OPN3: variants seen among roughly 807,000 people sequenced by gnomAD.
OPN3 encodes the protein opsin 3, also known as opsin-3.
In OPN3, 29 loss-of-function variants were observed where a neutral mutation model predicts 33.8. That is an observed-to-expected ratio of 0.86 (90% CI 0.64 to 1.17). The LOEUF (loss-of-function observed/expected upper bound fraction) is 1.17. OPN3 is among the 50% of genes most tolerant of loss of function. OPN3 has a pLI of 0.00. For synonymous variants in OPN3, 216 were observed against 216.1 expected, an observed-to-expected ratio of 1.00 and a Z score of 0.00; for missense variants, 437 against 514.1, an observed-to-expected ratio of 0.85 and a Z score of 1.45.
At chr1:241,602,137 C>A (rs551101974) in intron 2 of OPN3, among the ~76,000 whole-genome samples, 1 of 152,170 alleles carries the variant, frequency 6.6e-6, no homozygotes, top group South Asian at 2.1e-4. Flanking sequence ...GGGACAAGAG[C>A]TAAACATAGG....
chr1:241,600,324 C>T (rs1663647532), intron 2 of OPN3: 1 of 151,646 alleles, frequency 6.6e-6, no homozygotes, highest in African/African-American at 2.4e-5. Context: ...ACTTTCTATT[C>T]CTTCATTCTG....
At chr1:241,596,629 C>G (rs1435177819) in intron 3 of OPN3, among the ~76,000 whole-genome samples, 1 of 152,212 alleles carries the variant, frequency 6.6e-6, no homozygotes, top group Non-Finnish European at 1.5e-5. Context: ...TTAGAAGTCA[C>G]AGTGATTATT....
chr1:241,616,989 A>T (rs1434245214), intron 1 of OPN3, among the ~76,000 whole-genome samples: 2 of 152,246 alleles, frequency 1.3e-5, no homozygotes, highest in Non-Finnish European at 2.9e-5. Flanking sequence ...TGTTGGATTT[A>T]TCATCTCTTA....
At chr1:241,635,440 C>T in intron 1 of OPN3, 1 of 1,613,978 alleles carries the variant, frequency 6.2e-7, no homozygotes, top group Non-Finnish European at 8.5e-7. Flanking sequence ...CGTTGTCCTC[C>T]ATATCCTGAC....
rs1663429767 is a variant in OPN3 at position 241,594,350 on chromosome 1, T to C, written c.*78A>G. 6.8e-7 allele frequency: 1 copy of C among 1,472,930 alleles called. No individual in the cohort carries two copies. Among genetic ancestry groups the C allele is most frequent in the Non-Finnish European group, 9.3e-7 (1 of 1,077,668 alleles). The allele number at this position is 1,472,930 out of a possible 1,614,324, so 91.2% of individuals were successfully genotyped here. On this transcript the variant is annotated 3_prime_UTR_variant, in exon 4 of 4. Transcript: ENST00000366554. The stretch of plus-strand genomic sequence containing the variant: ...CTGTTGATATTACATAGAACGGGTA[T>C]TCCAGACACTTCTTATGATGAAAGT...
intron 1 of OPN3, chr1:241,633,759 A>G (rs1286607545): frequency 6.2e-7 from 1 of 1,605,498 alleles, no homozygotes; most frequent in Non-Finnish European, 8.5e-7. Context: ...TGATGCCATG[A>G]AGGAGGTCCA....
chr1:241,634,690 T>A, intron 1 of OPN3: 1 of 1,614,004 alleles, frequency 6.2e-7, no homozygotes. Context: ...AGTTTTTAGT[T>A]GCGTTAAGAC....
chr1:241,603,946 TC>T (rs1483230819), intron 2 of OPN3, among the ~76,000 whole-genome samples: 1 of 152,238 alleles, frequency 6.6e-6, no homozygotes, highest in African/African-American at 2.4e-5. Flanking sequence ...AGTGTGGAGT[TC>T]CCTCTTTTAA....
chr1:241,628,756 AGAT>A (rs1362221758), intron 1 of OPN3: 1 of 152,214 alleles, frequency 6.6e-6, no homozygotes, highest in Non-Finnish European at 1.5e-5. Flanking sequence ...ACATATCTGA[AGAT>A]GATCTTTTTT....
At chr1:241,605,315 T>C (rs616593) in intron 1 of OPN3, among the ~76,000 whole-genome samples, 48,840 of 151,846 alleles carry the variant, frequency 0.32, 8,196 homozygotes, top group African/African-American at 0.41. Context: ...TCAAGCTGAA[T>C]GAAGTAGCAG....
intron 3 of OPN3, among the ~76,000 whole-genome samples, chr1:241,595,973 G>A (rs1170508604): frequency 6.6e-6 from 1 of 152,128 alleles, no homozygotes; most frequent in Admixed American, 6.5e-5. Context: ...GTTTTTGTTT[G>A]TATCTTTTAG....
At chr1:241,631,523 A>G (rs929310228) in intron 1 of OPN3, 5 of 152,134 alleles carry the variant, frequency 3.3e-5, no homozygotes, top group Admixed American at 2.0e-4. Flanking sequence ...TTAAAAGTCA[A>G]TACAATCCAT....
intron 1 of OPN3, chr1:241,631,063 T>C (rs1413518954): frequency 6.6e-6 from 1 of 152,116 alleles, no homozygotes; most frequent in Non-Finnish European, 1.5e-5. Flanking sequence ...ATAGACATTA[T>C]TTAAACATTT....
Position 241,634,996 on chromosome 1 carries a change from T to G in OPN3, c.373+4886A>C, listed in dbSNP as rs370690494. ...GAATCCTAGTGACATTTTTAAATTC[T>G]ACATAACGACTAACATCTGATTTGA... On this transcript the variant is annotated intron_variant, in intron 1 of 3. Coordinates refer to ENST00000366554, the MANE Select transcript of OPN3 (RefSeq NM_014322.3). 2.4e-5 allele frequency: 38 copies of G among 1,613,578 alleles called. 1 individual carries two copies. The highest frequency in any genetic ancestry group is 1.7e-4 in the African/African-American group (13 of 74,922).
chr1:241,602,930 T>C (rs546450951), intron 2 of OPN3, among the ~76,000 whole-genome samples: 1 of 152,316 alleles, frequency 6.6e-6, no homozygotes, highest in South Asian at 2.1e-4. Flanking sequence ...TGAGTGACAT[T>C]GTGGCACCAA....
chr1:241,616,893 G>A (rs2148010721), intron 1 of OPN3, among the ~76,000 whole-genome samples: 1 of 152,076 alleles, frequency 6.6e-6, no homozygotes, highest in East Asian at 1.9e-4. Flanking sequence ...AATATGATTT[G>A]ACAGTCCTTA....
At chr1:241,615,767 C>A in intron 1 of OPN3, 2 of 446,026 alleles carry the variant, frequency 4.5e-6, no homozygotes, top group South Asian at 3.1e-5. Context: ...AACTGTGTGC[C>A]CTATTTGCCT....
chr1:241,617,618 T>G (rs112667927), intron 1 of OPN3, among the ~76,000 whole-genome samples: 51 of 152,310 alleles, frequency 3.3e-4, no homozygotes, highest in African/African-American at 1.2e-3. Context: ...CTGCTGCTGA[T>G]GCAAATGGAG....
At chr1:241,598,988 A>G (rs909913515) in intron 2 of OPN3, among the ~76,000 whole-genome samples, 19 of 152,186 alleles carry the variant, frequency 1.2e-4, no homozygotes, top group Admixed American at 5.2e-4. Context: ...TGGTTCTAGC[A>G]TTATCATAAA....
Sources: gnomAD v4.1 joint callset for allele counts (sites outside exome capture counted in the v4.1 genomes callset) on GRCh38, gnomAD v4.1.1 for gene constraint, MANE v1.5 for transcripts, NCBI Gene and HGNC (gene_info 2026-07-23, HGNC 2026-07-21) for gene names.